C5orf24: variants seen among roughly 807,000 people sequenced by gnomAD.
C5orf24 encodes the protein UPF0461 protein C5orf24.
A neutral mutation model predicts 9.8 loss-of-function variants in C5orf24; 4 were observed. That is an observed-to-expected ratio of 0.41 (90% CI 0.20 to 0.93). The LOEUF (loss-of-function observed/expected upper bound fraction) is 0.93. C5orf24 is among the 40% of genes least tolerant of loss of function. The pLI, the probability that C5orf24 is intolerant of heterozygous loss-of-function variation, is 0.33. For missense variants in C5orf24, 170 were observed against 236.9 expected (o/e 0.72, Z 1.85); for synonymous variants, 73 against 81.3 (o/e 0.90, Z 0.55).
chr5:134,844,477 T>C (rs1755944804), upstream of C5orf24, among the ~76,000 whole-genome samples: 1 of 152,160 alleles, frequency 6.6e-6, no homozygotes, highest in Non-Finnish European at 1.5e-5. Flanking sequence ...CCGTAGCAGC[T>C]GGCACTACAA....
At chr5:134,844,928 G>T (rs1755952562), upstream of C5orf24, among the ~76,000 whole-genome samples, 3 of 152,104 alleles carry the variant, frequency 2.0e-5, no homozygotes, top group African/African-American at 7.2e-5. Flanking sequence ...AGTAGAGAAG[G>T]GGTTTCACCA....
chr5:134,853,360 TA>T (rs397884485), intron 1 of C5orf24, among the ~76,000 whole-genome samples: 1,932 of 76,996 alleles, frequency 0.025, 30 homozygotes, highest in African/African-American at 0.065. Flanking sequence ...AAACTCCACC[TA>T]AAAAAAAAAA....
At chr5:134,835,461 A>G in the C5orf24 span, among the ~76,000 whole-genome samples, 2 of 152,268 alleles carry the variant, frequency 1.3e-5, no homozygotes, top group South Asian at 2.1e-4. Context: ...CCTGGCCAAC[A>G]TGGTGAAACC....
At chr5:134,848,759 G>A (rs1756069187) in intron 1 of C5orf24, among the ~76,000 whole-genome samples, 1 of 148,790 alleles carries the variant, frequency 6.7e-6, no homozygotes, top group East Asian at 2.0e-4. Context: ...TCAGGAGTTC[G>A]AGACCAGCCT....
chr5:134,834,870 C>T, the C5orf24 span, among the ~76,000 whole-genome samples: 1 of 152,186 alleles, frequency 6.6e-6, no homozygotes, highest in East Asian at 1.9e-4. Flanking sequence ...TATAGTAAAA[C>T]CTGTCTCTAC....
chr5:134,848,544 C>G (rs1190049999), intron 1 of C5orf24, among the ~76,000 whole-genome samples: 1 of 151,270 alleles, frequency 6.6e-6, no homozygotes, highest in African/African-American at 2.4e-5. Flanking sequence ...GCCTGTAATC[C>G]CAGCTACTCA....
chr5:134,845,447 GTGACTGATA>G (rs1755965046), upstream of C5orf24, among the ~76,000 whole-genome samples: 1 of 152,204 alleles, frequency 6.6e-6, no homozygotes, highest in Admixed American at 6.5e-5. Flanking sequence ...TTTGTGTGAG[GTGACTGATA>G]TGTCAGATAT....
upstream of C5orf24, among the ~76,000 whole-genome samples, chr5:134,840,783 G>A (rs1755881599): frequency 6.6e-6 from 1 of 151,898 alleles, no homozygotes; most frequent in Non-Finnish European, 1.5e-5. Flanking sequence ...CAGTCCTCCT[G>A]TTTCGGCCTC....
At chr5:134,839,252 A>G in the C5orf24 span, among the ~76,000 whole-genome samples, 124 of 151,796 alleles carry the variant, frequency 8.2e-4, no homozygotes, top group Non-Finnish European at 1.5e-3. Flanking sequence ...CATCAGACCC[A>G]CCATTCTTGT....
chr5:134,856,143 G>A lies in C5orf24; in HGVS notation c.*676G>A. 6.0e-6 allele frequency: 6 copies of A among 999,122 alleles called. No homozygotes were observed. The highest frequency in any genetic ancestry group is 7.2e-6 in the Non-Finnish European group (6 of 829,062). The allele number at this position is 999,122 out of a possible 1,614,324, so 61.9% of individuals were successfully genotyped here. A position where few individuals can be genotyped will look rare whatever the true frequency, so the allele number is the denominator to read the frequency against. ...GGTTGTGTATTTTTTAATTGCCTAA[G>A]AGCATATATACCAAACACTACAAAC... On this transcript the variant is annotated 3_prime_UTR_variant, in exon 2 of 2. Coordinates refer to ENST00000394976, the MANE Select transcript of C5orf24 (RefSeq NM_001135586.1).
rs547339936 is a variant in C5orf24 at position 134,856,731 on chromosome 5, T to G, written c.*1264T>G. On this transcript the variant is annotated 3_prime_UTR_variant, in exon 2 of 2. Transcript: ENST00000394976. ...TTATTTGGAACGTTTTTAGTTTTTC[T>G]CAGAAATTGTCCCATTGCATTAGCA... 2.8e-5 allele frequency: 28 copies of G among 999,410 alleles called. No individual in the cohort carries two copies. Among genetic ancestry groups the G allele is most frequent in the Admixed American group, 6.1e-5 (1 of 16,270 alleles). The allele number at this position is 999,410 out of a possible 1,614,324, so 61.9% of individuals were successfully genotyped here. A position where few individuals can be genotyped will look rare whatever the true frequency, so the allele number is the denominator to read the frequency against.
At chr5:134,844,091 CT>C (rs919371269), upstream of C5orf24, among the ~76,000 whole-genome samples, 11 of 152,196 alleles carry the variant, frequency 7.2e-5, no homozygotes, top group African/African-American at 2.6e-4. Flanking sequence ...ATGAAAATTT[CT>C]TTTTCTTAAA....
chr5:134,842,589 ATACCCACTAGC>A (rs1204487065), upstream of C5orf24, among the ~76,000 whole-genome samples: 3 of 152,224 alleles, frequency 2.0e-5, no homozygotes, highest in South Asian at 6.2e-4. Context: ...CCTTGATCAA[ATACCCACTAGC>A]TAGTGGTTCA....
At chr5:134,850,401 C>T (rs1470759529) in intron 1 of C5orf24, among the ~76,000 whole-genome samples, 3 of 152,070 alleles carry the variant, frequency 2.0e-5, no homozygotes, top group Non-Finnish European at 2.9e-5. Context: ...CCCGCCTTGG[C>T]CTCCCAAAGT....
At chr5:134,845,672 C>G (rs1298415429), upstream of C5orf24, 2 of 152,236 alleles carry the variant, frequency 1.3e-5, no homozygotes, top group Non-Finnish European at 2.9e-5. Flanking sequence ...TTTATTTGTC[C>G]TGTATCTAAG....
At position 134,858,091 on chromosome 5, in the gene C5orf24, CAG is replaced by C. The variant is rs1756358930; in HGVS notation, c.*2625_*2626del. ...TCAACTAAAGGAGGCATGTTCATAA[CAG>C]TGTTTATTATCAGCAGCTATGTCCC... On this transcript the variant is annotated 3_prime_UTR_variant, in exon 2 of 2. Transcript: ENST00000394976. 1 of 166,928 alleles carries C rather than the reference CAG, an allele frequency of 6.0e-6. No individual in the cohort carries two copies. Among genetic ancestry groups the C allele is most frequent in the Non-Finnish European group, 1.5e-5 (1 of 68,108 alleles). The allele number at this position is 166,928 out of a possible 1,614,324, so 10.3% of individuals were successfully genotyped here.
At chr5:134,842,194 A>G (rs185121201), upstream of C5orf24, among the ~76,000 whole-genome samples, 1 of 152,236 alleles carries the variant, frequency 6.6e-6, no homozygotes, top group Non-Finnish European at 1.5e-5. Context: ...GCTCCATTGA[A>G]TCTAAAATAA....
At chr5:134,844,908 T>A (rs553053025), upstream of C5orf24, among the ~76,000 whole-genome samples, 1 of 152,236 alleles carries the variant, frequency 6.6e-6, no homozygotes, top group African/African-American at 2.4e-5. Flanking sequence ...CAACTAATTT[T>A]CGTATTTTTA....
chr5:134,839,538 T>C, the C5orf24 span, among the ~76,000 whole-genome samples: 12 of 152,258 alleles, frequency 7.9e-5, no homozygotes, highest in South Asian at 2.3e-3. Flanking sequence ...GGTATTTTAG[T>C]TTTTTTCAGT....
Sources: gnomAD v4.1 joint callset for allele counts (sites outside exome capture counted in the v4.1 genomes callset) on GRCh38, gnomAD v4.1.1 for gene constraint, MANE v1.5 for transcripts, NCBI Gene and HGNC (gene_info 2026-07-23, HGNC 2026-07-21) for gene names.